Variants in INVS observed in about 807,000 individuals in gnomAD.
INVS encodes the protein inversion of embryo turning homolog.
Under a neutral mutation model 108.8 loss-of-function variants are expected in INVS, and 86 were observed. The observed-to-expected ratio is 0.79, with a 90% confidence interval of 0.66 to 0.95. The LOEUF (loss-of-function observed/expected upper bound fraction) is 0.95. Ranked by LOEUF, INVS falls within the 40% of genes least tolerant of loss-of-function variation. The probability of loss-of-function intolerance (pLI) is 0.00; values close to 1 mark genes in which losing one functional copy is unlikely to be tolerated. For synonymous variants in INVS, 455 were observed against 473.5 expected (o/e 0.96, Z 0.51); for missense variants, 1,169 against 1,297.4 (o/e 0.90, Z 1.52).
intron 3 of INVS, among the ~76,000 whole-genome samples, chr9:100,132,289 TTTAATA>T (rs1828078188): frequency 1.3e-5 from 2 of 152,188 alleles, no homozygotes; most frequent in Admixed American, 6.5e-5. Flanking sequence ...ATCAAATAGA[TTTAATA>T]TGAAGGGCAT....
intron 3 of INVS, among the ~76,000 whole-genome samples, chr9:100,162,087 A>G (rs1829209185): frequency 6.6e-6 from 1 of 152,238 alleles, no homozygotes; most frequent in African/African-American, 2.4e-5. Flanking sequence ...GCCGGAAATA[A>G]TAGACTAAAT....
At chr9:100,117,287 GTCTGC>G (rs1281981473) in intron 2 of INVS, 1 of 732,496 alleles carries the variant, frequency 1.4e-6, no homozygotes, top group Non-Finnish European at 2.4e-6. Context: ...GCCAGCACGG[GTCTGC>G]TTCTGCACCG....
At chr9:100,274,753 C>T (rs1354925126) in intron 12 of INVS, among the ~76,000 whole-genome samples, 1 of 152,158 alleles carries the variant, frequency 6.6e-6, no homozygotes, top group Admixed American at 6.5e-5. Flanking sequence ...GATCTGCCCA[C>T]CTTGGCGTCC....
In INVS at chr9:100,264,801, GA is replaced by G; in HGVS notation, c.1465-20del. 6.6e-7 allele frequency: 1 copy of G among 1,522,354 alleles called. No individual in the cohort carries two copies. Among genetic ancestry groups the G allele is most frequent in the Non-Finnish European group, 9.1e-7 (1 of 1,096,314 alleles). The allele number at this position is 1,522,354 out of a possible 1,614,324, so 94.3% of individuals were successfully genotyped here. ...AAAAATACTTACTCCAGATGTACTT[GA>G]TTTTTGTTTATGCTTATAGGGAAGA... On this transcript the variant is annotated intron_variant, in intron 10 of 16. Coordinates refer to ENST00000262457, the MANE Select transcript of INVS (RefSeq NM_014425.5).
At chr9:100,229,323 C>T (rs1831434694) in intron 4 of INVS, among the ~76,000 whole-genome samples, 1 of 151,864 alleles carries the variant, frequency 6.6e-6, no homozygotes, top group African/African-American at 2.4e-5. Context: ...GAGTTGGCTG[C>T]TAGGTGACTA....
chr9:100,153,804 G>A (rs2118988981), intron 3 of INVS, among the ~76,000 whole-genome samples: 1 of 152,204 alleles, frequency 6.6e-6, no homozygotes, highest in South Asian at 2.1e-4. Flanking sequence ...GGGAAAAGGG[G>A]GACCAAACTC....
chr9:100,204,603 A>C lies in INVS; in HGVS notation c.274-21459A>C, dbSNP rs528532335. On this transcript the variant is annotated intron_variant, in intron 3 of 16. Coordinates refer to ENST00000262457, the MANE Select transcript of INVS (RefSeq NM_014425.5). ...CTCACAAAATTCTTCAATTCATTCT[A>C]GTCTAGAAAGTAATGGATCTTCCAT... Among the ~76,000 whole-genome samples, 5 of 152,296 alleles carry C rather than the reference A, an allele frequency of 3.3e-5. No homozygotes were observed. The South Asian group carries it at 1.0e-3, about 32-fold the overall frequency.
At chr9:100,221,330 G>T (rs982796099) in intron 3 of INVS, among the ~76,000 whole-genome samples, 3 of 150,470 alleles carry the variant, frequency 2.0e-5, no homozygotes, top group South Asian at 2.1e-4. Context: ...TTGAGACAGG[G>T]TCTTCTCTGA....
At chr9:100,107,869 C>T (rs1827226974) in intron 2 of INVS, among the ~76,000 whole-genome samples, 1 of 152,158 alleles carries the variant, frequency 6.6e-6, no homozygotes, top group African/African-American at 2.4e-5. Context: ...CAGCACAGTA[C>T]TTGGCACATA....
intron 3 of INVS, among the ~76,000 whole-genome samples, chr9:100,221,934 G>GA (rs138812004): frequency 1.3e-5 from 2 of 152,046 alleles, no homozygotes; most frequent in Non-Finnish European, 2.9e-5. Flanking sequence ...GTGTGTATAT[G>GA]AAAAAAATAG....
intron 2 of INVS, among the ~76,000 whole-genome samples, chr9:100,108,752 C>G (rs1003529606): frequency 6.6e-6 from 1 of 152,192 alleles, no homozygotes; most frequent in Non-Finnish European, 1.5e-5. Context: ...TCCATGGAAA[C>G]AGATGAGTGT....
At chr9:100,126,743 G>A (rs899356000) in intron 3 of INVS, among the ~76,000 whole-genome samples, 194 bp downstream of exon 3, 2 of 152,074 alleles carry the variant, frequency 1.3e-5, no homozygotes, top group African/African-American at 2.4e-5. Context: ...TGCATTTCAG[G>A]TTCCTCAAAC....
At chr9:100,170,299 A>G (rs1829494732) in intron 3 of INVS, among the ~76,000 whole-genome samples, 2 of 151,868 alleles carry the variant, frequency 1.3e-5, no homozygotes, top group African/African-American at 4.8e-5. Context: ...GCTCACATCT[A>G]TAATCCCAGC....
At chr9:100,194,673 G>A (rs1830321676) in intron 3 of INVS, among the ~76,000 whole-genome samples, 1 of 152,002 alleles carries the variant, frequency 6.6e-6, no homozygotes, top group Admixed American at 6.6e-5. Context: ...AAAGCATGTA[G>A]TATTTCACCA....
At chr9:100,161,698 G>A (rs901999559) in intron 3 of INVS, among the ~76,000 whole-genome samples, 1 of 152,110 alleles carries the variant, frequency 6.6e-6, no homozygotes, top group African/African-American at 2.4e-5. Context: ...GGTTAGGATT[G>A]GATTGCAGGA....
intron 14 of INVS, 53 bp from the exon 15 acceptor site, chr9:100,296,864 A>G: frequency 7.2e-7 from 1 of 1,397,918 alleles, no homozygotes; most frequent in Non-Finnish European, 1.0e-6. Flanking sequence ...AAGGAAATTT[A>G]GTTTTCTCAG....
intron 3 of INVS, among the ~76,000 whole-genome samples, chr9:100,206,384 T>C (rs1443989857): frequency 1.3e-5 from 2 of 152,162 alleles, no homozygotes; most frequent in Non-Finnish European, 2.9e-5. Flanking sequence ...TCTAACTTTA[T>C]GTTTTGATAT....
In INVS at chr9:100,292,620, G is replaced by A; in HGVS notation, c.2363G>A (p.Cys788Tyr). 2 of 1,614,166 alleles carry A rather than the reference G, an allele frequency of 1.2e-6. No individual in the cohort carries two copies. Among genetic ancestry groups the A allele is most frequent in the Non-Finnish European group, 1.7e-6 (2 of 1,180,030 alleles). Residue 788 changes from cysteine (C) to tyrosine (Y), a missense_variant, in exon 14 of 17, where the codon TGT (cysteine) becomes TAT (tyrosine). By Grantham distance (194) the Cys-to-Tyr change is radical (BLOSUM62 -2). Around this residue, in one of 3 missense-constraint regions of INVS, gnomAD observed 533 missense variants for 536.0 expected, o/e 0.99. Coordinates refer to ENST00000262457, the MANE Select transcript of INVS (RefSeq NM_014425.5). ...RRHDTEPKAKCAPQKRRTQEL... is the reference protein window; with the variant it reads ...RRHDTEPKAKYAPQKRRTQEL... ...CATGACACAGAACCCAAGGCCAAAT[G>A]TGCCCCCCAGAAAAGGCGCACTCAA...
chr9:100,244,859 C>A (rs10819747), intron 7 of INVS, among the ~76,000 whole-genome samples: 26,110 of 152,076 alleles, frequency 0.17, 3,348 homozygotes, highest in African/African-American at 0.37. Flanking sequence ...ACTTTTACCT[C>A]AGTAACTCAA....
Sources: allele counts gnomAD v4.1 joint callset (sites outside exome capture counted in the v4.1 genomes callset), GRCh38; gene constraint gnomAD v4.1.1; regional missense constraint gnomAD v4.1.1; transcripts MANE v1.5; gene names NCBI Gene and HGNC (gene_info 2026-07-23, HGNC 2026-07-21).